POLA1: variants seen among roughly 807,000 people sequenced by gnomAD.
The protein encoded by POLA1 is DNA polymerase alpha 1, catalytic subunit.
POLA1 carries 15 observed loss-of-function variants against 124.0 expected under a neutral mutation model. The ratio of observed to expected loss-of-function variants is 0.12; its 90% confidence interval spans 0.08 to 0.19. The LOEUF (loss-of-function observed/expected upper bound fraction) is 0.19. Among genes scored for constraint, POLA1 ranks in the 10% least tolerant of loss-of-function variants. The probability of loss-of-function intolerance (pLI) is 1.00; values close to 1 mark genes in which losing one functional copy is unlikely to be tolerated. For synonymous variants in POLA1, 408 were observed against 389.4 expected (o/e 1.05, Z -0.56); for missense variants, 886 against 1,103.4 (o/e 0.80, Z 2.79).
intron 30 of POLA1, among the ~76,000 whole-genome samples, chrX:24,816,925 A>C (rs1178462035): frequency 8.9e-6 from 1 of 112,106 alleles, no homozygotes. Flanking sequence ...TTATTATTGA[A>C]ATTTCTAGAC....
intron 19 of POLA1, among the ~76,000 whole-genome samples, chrX:24,738,405 T>C (rs1233878776): frequency 2.7e-5 from 3 of 109,612 alleles, no homozygotes; most frequent in Middle Eastern, 4.8e-3. Context: ...AGGAAGAAAA[T>C]GGGAAGAATG....
chrX:24,825,115 C>T (rs2046151652), intron 31 of POLA1, among the ~76,000 whole-genome samples: 1 of 112,104 alleles, frequency 8.9e-6, no homozygotes, highest in African/African-American at 3.2e-5. Context: ...TGGTTTTTAT[C>T]ATTGGTTGTC....
In POLA1 at chrX:24,709,482, G is replaced by A. The variant is rs1318945336; in HGVS notation, c.346+5013G>A. On this transcript the variant is annotated intron_variant, in intron 4 of 36. Transcript: ENST00000379068. ...TCCCGGATGGGGCGGCTGGCCTGGC[G>A]GGGGCTGACCCCCCCCACCTCCCTC... Among the ~76,000 whole-genome samples, 4 of 106,614 alleles carry A rather than the reference G, an allele frequency of 3.8e-5. No individual in the cohort carries two copies. The East Asian group carries it at 1.3e-3, about 34-fold the overall frequency. The allele number at this position is 106,614 out of a possible 115,157, so 92.6% of individuals were successfully genotyped here. A position where few individuals can be genotyped will look rare whatever the true frequency, so the allele number is the denominator to read the frequency against.
At chrX:24,808,701 G>A (rs1309957128) in intron 26 of POLA1, among the ~76,000 whole-genome samples, 14 of 110,983 alleles carry the variant, frequency 1.3e-4, no homozygotes, top group African/African-American at 4.3e-4. Context: ...TAATAAAGGG[G>A]AGAGGGCAAT....
At chrX:24,917,008 A>G (rs927386355) in intron 35 of POLA1, among the ~76,000 whole-genome samples, 3 of 112,560 alleles carry the variant, frequency 2.7e-5, no homozygotes, top group Admixed American at 9.4e-5. Context: ...TTTAATGTCT[A>G]AAAAGAAAAG....
At chrX:24,870,290 C>T (rs1038247276) in intron 34 of POLA1, among the ~76,000 whole-genome samples, 6 of 111,852 alleles carry the variant, frequency 5.4e-5, no homozygotes, top group Admixed American at 4.7e-4. Context: ...CTTGAAGCAC[C>T]CGGCTTTTGT....
chrX:24,774,160 G>A (rs1405884516), intron 26 of POLA1, among the ~76,000 whole-genome samples: 1 of 111,467 alleles, frequency 9.0e-6, no homozygotes, highest in African/African-American at 3.3e-5. Flanking sequence ...AAGGCCCCAC[G>A]AGTACATCTT....
intron 36 of POLA1, among the ~76,000 whole-genome samples, chrX:24,969,466 C>G (rs1041918616): frequency 8.2e-5 from 9 of 110,236 alleles, no homozygotes; most frequent in Non-Finnish European, 1.7e-4. Flanking sequence ...AATTGTATAC[C>G]TGGAACAGTA....
intron 26 of POLA1, among the ~76,000 whole-genome samples, chrX:24,771,914 A>T (rs1001557365): frequency 8.9e-6 from 1 of 111,946 alleles, no homozygotes; most frequent in Non-Finnish European, 1.9e-5. Flanking sequence ...GAGGAAAATA[A>T]AATTACAGTC....
intron 1 of POLA1, among the ~76,000 whole-genome samples, chrX:24,697,177 A>T (rs1274725166): frequency 1.8e-5 from 2 of 111,089 alleles, no homozygotes; most frequent in African/African-American, 6.6e-5. Context: ...CTTATTTGTG[A>T]TTGTACCCTA....
chrX:24,995,202 G>T (rs771729308), intron 36 of POLA1, among the ~76,000 whole-genome samples: 4 of 111,980 alleles, frequency 3.6e-5, no homozygotes, highest in African/African-American at 1.3e-4. Flanking sequence ...CAGGAGTGCC[G>T]CATACCCTGA....
At chrX:24,696,285 G>A (rs1164975788) in intron 1 of POLA1, among the ~76,000 whole-genome samples, 1 of 112,144 alleles carries the variant, frequency 8.9e-6, no homozygotes, top group Non-Finnish European at 1.9e-5. Flanking sequence ...AACTCCAGGA[G>A]GACTAGTAAG....
intron 35 of POLA1, among the ~76,000 whole-genome samples, chrX:24,896,535 G>C (rs1441361740): frequency 8.9e-6 from 1 of 112,066 alleles, no homozygotes; most frequent in Non-Finnish European, 1.9e-5. Flanking sequence ...ATCAGCTGTT[G>C]TTAGTGTATT....
intron 4 of POLA1, among the ~76,000 whole-genome samples, chrX:24,706,959 T>A (rs1418697260): frequency 8.9e-6 from 1 of 112,614 alleles, no homozygotes; most frequent in Non-Finnish European, 1.9e-5. Context: ...AAAATAAGCA[T>A]ATGTATTTTT....
At chrX:24,885,074 A>G (rs982438723) in intron 34 of POLA1, among the ~76,000 whole-genome samples, 54 of 112,465 alleles carry the variant, frequency 4.8e-4, no homozygotes, top group African/African-American at 1.6e-3. Flanking sequence ...AAAACATCTG[A>G]AAAGAACTCT....
At chrX:24,760,250 A>T (rs753263350) in intron 26 of POLA1, among the ~76,000 whole-genome samples, 10 of 111,532 alleles carry the variant, frequency 9.0e-5, no homozygotes, top group African/African-American at 3.3e-4. Flanking sequence ...CACAAATTGC[A>T]GATAGATGGA....
At chrX:24,725,191 C>CTT (rs757657562) in intron 12 of POLA1, among the ~76,000 whole-genome samples, 51 of 88,999 alleles carry the variant, frequency 5.7e-4, no homozygotes, top group Admixed American at 1.9e-3. Flanking sequence ...TGAATGACTA[C>CTT]TTTTTTTTTT....
At chrX:24,973,509 TCTCTAGCCTTCAGGGTCCTATCTTG>T (rs1205464231) in intron 36 of POLA1, among the ~76,000 whole-genome samples, 11 of 112,155 alleles carry the variant, frequency 9.8e-5, no homozygotes, top group Non-Finnish European at 2.1e-4. Context: ...CTCTAAAACA[TCTCTAGCCTTCAGGGTCCTATCTTG>T]GCCTTTGTCA....
intron 26 of POLA1, among the ~76,000 whole-genome samples, chrX:24,772,030 CATT>C (rs2045048064): frequency 8.9e-6 from 1 of 111,826 alleles, no homozygotes; most frequent in African/African-American, 3.2e-5. Context: ...GATTATAGTT[CATT>C]TTTAGAGACT....
Sources: allele counts gnomAD v4.1 joint callset (sites outside exome capture counted in the v4.1 genomes callset), GRCh38; gene constraint gnomAD v4.1.1; transcripts MANE v1.5; gene names NCBI Gene and HGNC (gene_info 2026-07-23, HGNC 2026-07-21).